IL1RAPL2: variants seen among roughly 807,000 people sequenced by gnomAD.
IL1RAPL2 encodes X-linked interleukin-1 receptor accessory protein-like 2.
IL1RAPL2 carries 3 observed loss-of-function variants against 44.1 expected under a neutral mutation model. The observed-to-expected ratio is 0.07, with a 90% CI of 0.03 to 0.18. The LOEUF (loss-of-function observed/expected upper bound fraction) is 0.18. Among genes scored for constraint, IL1RAPL2 ranks in the 10% least tolerant of loss-of-function variants. The pLI is 1.00. For missense variants in IL1RAPL2, 391 were observed against 496.4 expected, an observed-to-expected ratio of 0.79 and a Z score of 2.02; for synonymous variants, 181 against 178.8, an observed-to-expected ratio of 1.01 and a Z score of -0.10.
chrX:105,702,401 C>T (rs1482521), intron 6 of IL1RAPL2, among the ~76,000 whole-genome samples: 1,695 of 110,954 alleles, frequency 0.015, 33 homozygotes, highest in African/African-American at 0.052. Context: ...CCTGCCCTCA[C>T]ACAAGGCCAG....
intron 4 of IL1RAPL2, among the ~76,000 whole-genome samples, chrX:105,249,771 C>T (rs913980103): frequency 9.0e-6 from 1 of 111,592 alleles, no homozygotes; most frequent in Non-Finnish European, 1.9e-5. Flanking sequence ...AACAATACAG[C>T]CACTTTTAAA....
At chrX:105,683,558 A>T (rs928109139) in intron 6 of IL1RAPL2, among the ~76,000 whole-genome samples, 13 of 108,662 alleles carry the variant, frequency 1.2e-4, no homozygotes, top group African/African-American at 4.1e-4. Context: ...CAAAAAAAAA[A>T]GCTCTATGTG....
intron 7 of IL1RAPL2, 106 bp downstream of exon 7, chrX:105,717,602 G>A (rs1051880037): frequency 1.3e-6 from 1 of 773,072 alleles, no homozygotes. Flanking sequence ...TGATCTTATG[G>A]AGAGACCAAG....
At chrX:105,646,709 C>A (rs2037608525) in intron 6 of IL1RAPL2, among the ~76,000 whole-genome samples, 2 of 112,114 alleles carry the variant, frequency 1.8e-5, no homozygotes, top group Admixed American at 9.4e-5. Flanking sequence ...CAGCCTATAT[C>A]CCCATGACAG....
Position 105,522,119 on chromosome X carries a change from G to T in IL1RAPL2, c.772+37732G>T, listed in dbSNP as rs147065753. Among the ~76,000 whole-genome samples, 858 of 111,465 alleles carry T rather than the reference G, an allele frequency of 7.7e-3. 11 individuals carry two copies. Among genetic ancestry groups the T allele is most frequent in the African/African-American group, 0.027 (826 of 30,694 alleles). On this transcript the variant is annotated intron_variant, in intron 6 of 10. Transcript: ENST00000372582. ...TGAATTTTAATTGAATCCAACCCTG[G>T]ACCTCAAGAGTTGGAGGCTTTATTC...
At chrX:105,018,161 C>A (rs781198120) in intron 2 of IL1RAPL2, among the ~76,000 whole-genome samples, 1 of 111,629 alleles carries the variant, frequency 9.0e-6, no homozygotes, top group Non-Finnish European at 1.9e-5. Context: ...CTGCTATGAA[C>A]TCTTCATAGA....
chrX:104,634,873 G>T (rs923109371), intron 1 of IL1RAPL2, among the ~76,000 whole-genome samples: 4 of 111,595 alleles, frequency 3.6e-5, no homozygotes, highest in East Asian at 5.6e-4. Context: ...TTGTGAATTT[G>T]ATCCTGTCAT....
chrX:104,814,631 G>T (rs1212373443), intron 2 of IL1RAPL2, among the ~76,000 whole-genome samples: 3 of 111,880 alleles, frequency 2.7e-5, no homozygotes, highest in African/African-American at 9.7e-5. Context: ...AAAGACAGTA[G>T]AATTTTTGAC....
chrX:104,884,797 C>G (rs1923184536), intron 2 of IL1RAPL2, among the ~76,000 whole-genome samples: 1 of 111,599 alleles, frequency 9.0e-6, no homozygotes, highest in African/African-American at 3.3e-5. Flanking sequence ...CACAGGAGGA[C>G]ATCTCAGCTT....
intron 5 of IL1RAPL2, among the ~76,000 whole-genome samples, chrX:105,319,292 C>T (rs1569423146): frequency 9.0e-6 from 1 of 111,663 alleles, no homozygotes; most frequent in Non-Finnish European, 1.9e-5. Flanking sequence ...CCACGAAGCC[C>T]GTAGCTTGTC....
chrX:104,746,641 T>G (rs896199843), intron 2 of IL1RAPL2, among the ~76,000 whole-genome samples: 1 of 111,519 alleles, frequency 9.0e-6, no homozygotes, highest in African/African-American at 3.3e-5. Flanking sequence ...CTGAATATTG[T>G]TCTTTAAAAT....
intron 2 of IL1RAPL2, among the ~76,000 whole-genome samples, chrX:104,729,919 A>C (rs1931870255): frequency 9.0e-6 from 1 of 111,366 alleles, no homozygotes; most frequent in Non-Finnish European, 1.9e-5. Context: ...GACCAGGGAG[A>C]AATGTAAAAC....
At chrX:104,716,331 G>A (rs1358120062) in intron 2 of IL1RAPL2, among the ~76,000 whole-genome samples, 1 of 111,300 alleles carries the variant, frequency 9.0e-6, no homozygotes, top group Non-Finnish European at 1.9e-5. Flanking sequence ...AAACCTGGAA[G>A]ACAAAATAGG....
chrX:104,909,210 C>G (rs773523308), intron 2 of IL1RAPL2, among the ~76,000 whole-genome samples: 112 of 111,800 alleles, frequency 1.0e-3, no homozygotes, highest in African/African-American at 3.4e-3. Context: ...CCTTTAAGCA[C>G]TTCTCTGTAT....
intron 2 of IL1RAPL2, among the ~76,000 whole-genome samples, chrX:105,127,123 A>T (rs1314887399): frequency 7.2e-5 from 8 of 111,427 alleles, no homozygotes; most frequent in African/African-American, 2.6e-4. Context: ...AGACTCCTAA[A>T]AGAGCAAGCA....
rs1290681815 is a variant in IL1RAPL2 at position 104,853,571 on chromosome X, G to A, written c.82+194576G>A. Among the ~76,000 whole-genome samples the A allele has an allele frequency of 4.5e-5, 5 of 110,879 alleles. No individual in the cohort carries two copies. In the East Asian group the frequency reaches 1.4e-3, roughly 31 times the overall value. ...ATTACACAATGCATGTGTTGTGAGG[G>A]AGCAATGAAGAGCATGACTTAGTTT... is the stretch of plus-strand genomic sequence containing the variant. On this transcript the variant is annotated intron_variant, in intron 2 of 10. Transcript: ENST00000372582.
chrX:105,345,390 G>C (rs1249489796), intron 5 of IL1RAPL2, among the ~76,000 whole-genome samples: 1 of 111,454 alleles, frequency 9.0e-6, no homozygotes, highest in Non-Finnish European at 1.9e-5. Flanking sequence ...GTTAAGCTCA[G>C]GATTTTCATC....
chrX:105,188,942 CAG>C (rs1345660918), intron 2 of IL1RAPL2, among the ~76,000 whole-genome samples: 2 of 111,973 alleles, frequency 1.8e-5, no homozygotes, highest in African/African-American at 3.3e-5. Context: ...GGTGTAGCAA[CAG>C]GGGCACAGGC....
intron 2 of IL1RAPL2, among the ~76,000 whole-genome samples, chrX:104,844,826 G>A (rs1169887227): frequency 8.9e-6 from 1 of 111,745 alleles, no homozygotes; most frequent in East Asian, 2.8e-4. Context: ...TGCTACATTA[G>A]ATGAATCCTG....
Sources: allele counts gnomAD v4.1 joint callset (sites outside exome capture counted in the v4.1 genomes callset), GRCh38; gene constraint gnomAD v4.1.1; transcripts MANE v1.5; gene names NCBI Gene and HGNC (gene_info 2026-07-23, HGNC 2026-07-21).